ENTPD7: variants seen among roughly 807,000 people sequenced by gnomAD.
ENTPD7 encodes the protein NTPDase 7.
A neutral mutation model predicts 77.9 loss-of-function variants in ENTPD7; 53 were observed. The ratio of observed to expected loss-of-function variants is 0.68; its 90% CI spans 0.55 to 0.85. The LOEUF (loss-of-function observed/expected upper bound fraction) is 0.85. ENTPD7 is among the 40% of genes least tolerant of loss of function. The probability of loss-of-function intolerance (pLI) is 0.00; values close to 1 mark genes in which losing one functional copy is unlikely to be tolerated. For synonymous variants in ENTPD7, 248 were observed against 274.9 expected (o/e 0.90, Z 0.97); for missense variants, 636 against 743.7 (o/e 0.86, Z 1.68).
rs1346220611 is a variant in ENTPD7, at chr10:99,709,053, G to A, written c.*4370G>A. The A allele has an allele frequency of 1.0e-6, 1 of 982,618 alleles. No individual in the cohort carries two copies. Among genetic ancestry groups the A allele is most frequent in the African/African-American group, 1.7e-5 (1 of 57,248 alleles). 60.9% of individuals were successfully genotyped at this position (982,618 alleles called of 1,614,324 possible). ...TTTCACTACATCTATTCTTGTTCCT[G>A]TATTTCTTTTCGTACTTTTAAATTT... On this transcript the variant is annotated 3_prime_UTR_variant, in exon 13 of 13. Transcript: ENST00000370489.
chr10:99,677,989 T>G (rs1276513244), intron 3 of ENTPD7, among the ~76,000 whole-genome samples: 1 of 152,176 alleles, frequency 6.6e-6, no homozygotes, highest in Non-Finnish European at 1.5e-5. Context: ...GCCAGCCAGA[T>G]ATCTTGGAAT....
intron 10 of ENTPD7, among the ~76,000 whole-genome samples, chr10:99,700,253 CCT>C (rs1356865777): frequency 6.6e-6 from 1 of 152,104 alleles, no homozygotes; most frequent in Non-Finnish European, 1.5e-5. Context: ...TTTTCCCTTA[CCT>C]TTTTAACTTT....
intron 6 of ENTPD7, among the ~76,000 whole-genome samples, chr10:99,686,417 C>T (rs531895440): frequency 6.6e-6 from 1 of 152,150 alleles, no homozygotes; most frequent in South Asian, 2.1e-4. Context: ...TCTCATGCAG[C>T]CAAATTGGCC....
chr10:99,700,242 T>A (rs1174863189), intron 10 of ENTPD7, among the ~76,000 whole-genome samples: 1 of 152,130 alleles, frequency 6.6e-6, no homozygotes, highest in Non-Finnish European at 1.5e-5. Context: ...AAAAGCGATT[T>A]TTTTCCCTTA....
At chr10:99,690,111 C>T (rs1044513711) in intron 7 of ENTPD7, among the ~76,000 whole-genome samples, 1 of 152,178 alleles carries the variant, frequency 6.6e-6, no homozygotes, top group Admixed American at 6.5e-5. Context: ...AGGTTGGCTG[C>T]TGTATCCTTT....
intron 3 of ENTPD7, among the ~76,000 whole-genome samples, chr10:99,673,567 A>G (rs2035641923): frequency 6.6e-6 from 1 of 152,240 alleles, no homozygotes; most frequent in South Asian, 2.1e-4. Context: ...AATGCCATTT[A>G]GGCCTATCTT....
intron 7 of ENTPD7, among the ~76,000 whole-genome samples, chr10:99,691,107 C>T (rs771397300): frequency 6.6e-5 from 10 of 152,104 alleles, no homozygotes; most frequent in Non-Finnish European, 1.0e-4. Context: ...TGGCCTCAGC[C>T]TCCTGAGTAG....
At chr10:99,681,025 G>T (rs1329368744) in intron 5 of ENTPD7, among the ~76,000 whole-genome samples, 1 of 152,126 alleles carries the variant, frequency 6.6e-6, no homozygotes, top group African/African-American at 2.4e-5. Context: ...CATCCACCTT[G>T]TCACATATTG....
Position 99,685,772 on chromosome 10 carries a change from T to C in ENTPD7, c.549-20T>C. 6.3e-7 allele frequency: 1 copy of C among 1,597,224 alleles called. No individual in the cohort carries two copies. The highest frequency in any genetic ancestry group is 8.6e-7 in the Non-Finnish European group (1 of 1,164,954). On this transcript the variant is annotated intron_variant, in intron 5 of 12. Coordinates refer to ENST00000370489, the MANE Select transcript of ENTPD7 (RefSeq NM_020354.5). ...GAGAGTTTAGTGACTAACTTTGGGA[T>C]TTTTTGTTCTTTCTTGCAGGAAGCA...
At chr10:99,698,426 C>A in intron 9 of ENTPD7, 108 bp from the exon 10 acceptor site, 1 of 1,085,520 alleles carries the variant, frequency 9.2e-7, no homozygotes, top group Non-Finnish European at 1.3e-6. Flanking sequence ...CTAGAGATAT[C>A]ATGAAAACCA....
At chr10:99,696,535 A>C (rs1317322273) in intron 9 of ENTPD7, among the ~76,000 whole-genome samples, 1 of 152,202 alleles carries the variant, frequency 6.6e-6, no homozygotes, top group Non-Finnish European at 1.5e-5. Flanking sequence ...TCAGTTCTGT[A>C]GTATGTCTAA....
chr10:99,673,522 G>A (rs2035641087), intron 3 of ENTPD7, among the ~76,000 whole-genome samples: 1 of 152,164 alleles, frequency 6.6e-6, no homozygotes, highest in Non-Finnish European at 1.5e-5. Context: ...TAGTTTGTAT[G>A]CACAATGAGA....
intron 11 of ENTPD7, among the ~76,000 whole-genome samples, chr10:99,702,280 G>T (rs2036152028): frequency 6.6e-6 from 1 of 151,656 alleles, no homozygotes; most frequent in African/African-American, 2.4e-5. Flanking sequence ...CTGAAGATAG[G>T]GACTCTTAAA....
chr10:99,685,871 G>C lies in ENTPD7; in HGVS notation c.628G>C (p.Glu210Gln), dbSNP rs1231473196. ...FDFLFSQSQA[E>Q]VISGKQEGVY... ...CTTCCTCTTTTCACAGTCTCAAGCA[G>C]AAGTGATCTCTGGGAAGCAGGAAGG... The change falls in exon 6 of 13, where the codon GAA (glutamate) becomes CAA (glutamine). Residue 210 changes from glutamate to glutamine, a missense_variant. By Grantham distance (29) the Glu-to-Gln change is conservative. Coordinates refer to ENST00000370489, the MANE Select transcript of ENTPD7 (RefSeq NM_020354.5). 1.9e-6 allele frequency: 3 copies of C among 1,613,714 alleles called. No homozygotes were observed. Among genetic ancestry groups the C allele is most frequent in the Non-Finnish European group, 2.5e-6 (3 of 1,179,784 alleles).
At position 99,709,580 on chromosome 10, in the gene ENTPD7, TACC is replaced by T. The variant is rs2036320861; in HGVS notation, c.*4898_*4900del. ...TACTATAGAATAGCAACAGTGAATA[TACC>T]TCAAATTGAAAACTTTTAGGTTGTG... is the stretch of plus-strand genomic sequence containing the variant. On this transcript the variant is annotated 3_prime_UTR_variant, in exon 13 of 13. Transcript: ENST00000370489. The T allele has an allele frequency of 2.0e-6, 2 of 983,666 alleles. No individual in the cohort carries two copies. The highest frequency in any genetic ancestry group is 9.4e-5 in the South Asian group (2 of 21,252). The allele number at this position is 983,666 out of a possible 1,614,324, so 60.9% of individuals were successfully genotyped here.
Position 99,659,983 on chromosome 10 carries a change from C to T in ENTPD7, c.8+19C>T. The T allele has an allele frequency of 6.2e-7, 1 of 1,613,826 alleles. No individual in the cohort carries two copies. On this transcript the variant is annotated intron_variant, in intron 2 of 12. Transcript: ENST00000370489. The surrounding 1 kb of genome is among the most constrained non-coding windows in gnomAD (Gnocchi z 4.1). ...TGGCTAGGTAAGGCTGCACACTTTC[C>T]CTCCGGCTGGGAGCACGGCAGAGGA...
intron 6 of ENTPD7, among the ~76,000 whole-genome samples, chr10:99,686,434 A>C (rs2035811763): frequency 6.6e-6 from 1 of 152,162 alleles, no homozygotes; most frequent in Non-Finnish European, 1.5e-5. Context: ...GGCCAGTTTG[A>C]TGAATTATAT....
At position 99,674,584 on chromosome 10, in the gene ENTPD7, C is replaced by T. The variant is rs78624323; in HGVS notation, c.192-4677C>T. ...TTTTGTGCCTGGCTTACTTACTTAGCGTAATATCCTGAAGATTCATCTGTG... is the reference window on the plus strand; with the variant it reads ...TTTTGTGCCTGGCTTACTTACTTAGTGTAATATCCTGAAGATTCATCTGTG... On this transcript the variant is annotated intron_variant, in intron 3 of 12. Transcript: ENST00000370489. Among the ~76,000 whole-genome samples, 502 of 152,292 alleles carry T rather than the reference C, an allele frequency of 3.3e-3. 3 individuals carry two copies. Among genetic ancestry groups the T allele is most frequent in the African/African-American group, 0.011 (475 of 41,556 alleles).
chr10:99,680,729 GGT>G (rs2035742344), intron 5 of ENTPD7, among the ~76,000 whole-genome samples: 1 of 151,944 alleles, frequency 6.6e-6, no homozygotes, highest in Non-Finnish European at 1.5e-5. Flanking sequence ...TGGGACTACA[GGT>G]GGGCACCATC....
Sources: allele counts gnomAD v4.1 joint callset (sites outside exome capture counted in the v4.1 genomes callset), GRCh38; gene constraint gnomAD v4.1.1; non-coding constraint Gnocchi (gnomAD v3.1); transcripts MANE v1.5; gene names NCBI Gene and HGNC (gene_info 2026-07-23, HGNC 2026-07-21).